MALRD1: variants seen among roughly 807,000 people sequenced by gnomAD.
The protein encoded by MALRD1 is MAM and LDL receptor class A domain containing 1, also known as MAM and LDL-receptor class A domain-containing protein 1.
MALRD1 carries 247 observed loss-of-function variants against 242.1 expected under a neutral mutation model. The ratio of observed to expected loss-of-function variants is 1.02; its 90% CI spans 0.92 to 1.13. The LOEUF (loss-of-function observed/expected upper bound fraction) is 1.13, where lower values mean the gene tolerates loss of function less well. MALRD1 is among the 50% of genes most tolerant of loss of function. The pLI is 0.00. For missense variants in MALRD1, 2,989 were observed against 2,533.1 expected (o/e 1.18, Z -3.86); for synonymous variants, 995 against 866.6 (o/e 1.15, Z -2.60).
At chr10:19,719,084 G>A (rs983977304) in intron 38 of MALRD1, among the ~76,000 whole-genome samples, 11 of 149,656 alleles carry the variant, frequency 7.4e-5, no homozygotes, top group African/African-American at 2.7e-4. Context: ...GATTGCGTGA[G>A]TCCAGGAGGT....
intron 26 of MALRD1, among the ~76,000 whole-genome samples, chr10:19,385,910 G>T (rs528160471): frequency 8.4e-4 from 128 of 152,016 alleles, no homozygotes; most frequent in African/African-American, 2.9e-3. Context: ...CACAAGTTTT[G>T]CTCTGTTGTG....
At chr10:19,363,336 A>G (rs181281014) in intron 26 of MALRD1, among the ~76,000 whole-genome samples, 23 of 152,156 alleles carry the variant, frequency 1.5e-4, no homozygotes, top group Non-Finnish European at 2.5e-4. Context: ...GGTAACAAAG[A>G]AAACAGACAT....
intron 36 of MALRD1, among the ~76,000 whole-genome samples, chr10:19,670,781 A>T (rs573572599): frequency 4.6e-5 from 7 of 152,294 alleles, no homozygotes; most frequent in African/African-American, 1.7e-4. Context: ...CAGGGAGTTT[A>T]TCTTTTGTGC....
chr10:19,283,080 A>G lies in MALRD1; in HGVS notation c.3318A>G (p.Val1106=), dbSNP rs2131887895. The G allele has an allele frequency of 1.9e-6, 3 of 1,550,200 alleles. No homozygotes were observed. Among genetic ancestry groups the G allele is most frequent in the South Asian group, 1.2e-5 (1 of 84,024 alleles). ...SLCKWYQPIP[V]HLLQDSNTFR... ...GTAAATGGTATCAACCAATCCCAGT[A>G]CATTTGCTTCAAGATTCAAACACAT... Residue 1106 remains valine, a synonymous_variant, in exon 21 of 40, where the codon GTA becomes GTG. Coordinates refer to ENST00000454679, the MANE Select transcript of MALRD1 (RefSeq NM_001142308.3).
chr10:19,283,063 T>C lies in MALRD1; in HGVS notation c.3301T>C (p.Tyr1101His). ...TGAGAAAAGAAGCCTGTGTAAATGG[T>C]ATCAACCAATCCCAGTACATTTGCT... ...SFEKRSLCKW[Y>H]QPIPVHLLQD... Residue 1101 changes from tyrosine (Y) to histidine (H), a missense_variant, in exon 21 of 40, where the codon TAT becomes CAT. By Grantham distance (83) the Tyr-to-His change is moderately conservative. Coordinates refer to ENST00000454679, the MANE Select transcript of MALRD1 (RefSeq NM_001142308.3). The C allele has an allele frequency of 1.3e-6, 2 of 1,549,778 alleles. No homozygotes were observed. Among genetic ancestry groups the C allele is most frequent in the Non-Finnish European group, 1.7e-6 (2 of 1,146,482 alleles).
At chr10:19,613,568 C>T (rs1838998282) in intron 35 of MALRD1, among the ~76,000 whole-genome samples, 1 of 151,966 alleles carries the variant, frequency 6.6e-6, no homozygotes, top group South Asian at 2.1e-4. Flanking sequence ...GTTCAGGCAA[C>T]CATTATATTT....
At chr10:19,182,226 TAA>T (rs1462365232) in intron 14 of MALRD1, among the ~76,000 whole-genome samples, 2 of 151,906 alleles carry the variant, frequency 1.3e-5, no homozygotes, top group East Asian at 1.9e-4. Flanking sequence ...AAAACAAATA[TAA>T]GAGGTACTAT....
At chr10:19,303,406 G>T (rs1177409472) in intron 21 of MALRD1, among the ~76,000 whole-genome samples, 1 of 151,614 alleles carries the variant, frequency 6.6e-6, no homozygotes, top group Non-Finnish European at 1.5e-5. Context: ...GCAGTGATCA[G>T]AAATCACAGA....
chr10:19,387,132 C>A (rs1272029067), intron 26 of MALRD1, among the ~76,000 whole-genome samples: 2 of 151,956 alleles, frequency 1.3e-5, no homozygotes, highest in African/African-American at 4.8e-5. Flanking sequence ...TTCCAAATGC[C>A]ACATAATACA....
chr10:19,618,363 T>C (rs1589314700), intron 36 of MALRD1, among the ~76,000 whole-genome samples: 1 of 152,238 alleles, frequency 6.6e-6, no homozygotes, highest in East Asian at 1.9e-4. Context: ...ATGGGATTGC[T>C]GGGTCCAATG....
chr10:19,088,398 G>A (rs1362426074), intron 4 of MALRD1, among the ~76,000 whole-genome samples: 2 of 151,888 alleles, frequency 1.3e-5, no homozygotes, highest in Admixed American at 6.6e-5. Context: ...TGAATTTTAT[G>A]TATTAAAACT....
At chr10:19,350,210 A>G (rs1395126516) in intron 25 of MALRD1, among the ~76,000 whole-genome samples, 1 of 151,668 alleles carries the variant, frequency 6.6e-6, no homozygotes, top group Non-Finnish European at 1.5e-5. Context: ...GGTATATAGG[A>G]AGGATCCATG....
Position 19,113,208 on chromosome 10 carries a change from A to G in MALRD1, c.694+9133A>G, listed in dbSNP as rs540154864. 7.9e-5 allele frequency among the ~76,000 whole-genome samples: 12 copies of G among 152,208 alleles called. No homozygotes were observed. In the East Asian group the frequency reaches 2.1e-3, roughly 27 times the overall value. ...GTCTCCACTTCTCATAAATCCATCA[A>G]TAAGTCTTACTGCCTCCAGGACAGA... is the stretch of plus-strand genomic sequence containing the variant. On this transcript the variant is annotated intron_variant, in intron 5 of 39. Transcript: ENST00000454679.
chr10:19,529,510 T>A (rs1834244654), intron 31 of MALRD1, among the ~76,000 whole-genome samples: 1 of 114,940 alleles, frequency 8.7e-6, no homozygotes, highest in Non-Finnish European at 1.7e-5. Context: ...CGTGAAAAGT[T>A]CAATTAAAAA....
chr10:19,431,822 G>A (rs1834141484), intron 28 of MALRD1, among the ~76,000 whole-genome samples: 1 of 152,086 alleles, frequency 6.6e-6, no homozygotes, highest in Non-Finnish European at 1.5e-5. Flanking sequence ...GCATTGAATG[G>A]TTATCAACCT....
At chr10:19,541,749 A>G (rs1834983044) in intron 32 of MALRD1, among the ~76,000 whole-genome samples, 1 of 152,216 alleles carries the variant, frequency 6.6e-6, no homozygotes, top group Non-Finnish European at 1.5e-5. Flanking sequence ...AATAAGAATC[A>G]CTGGCTCATA....
chr10:19,530,365 A>AAATATTATATAATTATAT (rs1564417011), intron 31 of MALRD1, among the ~76,000 whole-genome samples: 8 of 105,090 alleles, frequency 7.6e-5, no homozygotes, highest in African/African-American at 4.4e-4. Context: ...ATATTTATAT[A>AAATATTATATAATTATAT]AATATTTATA....
At chr10:19,202,846 A>C (rs939246385) in intron 14 of MALRD1, among the ~76,000 whole-genome samples, 5 of 152,198 alleles carry the variant, frequency 3.3e-5, no homozygotes, top group African/African-American at 1.2e-4. Context: ...TTGCGGAAAG[A>C]ATCTTAGCCT....
At position 19,660,995 on chromosome 10, in the gene MALRD1, G is replaced by A. The variant is rs148914656; in HGVS notation, c.6138-31287G>A. Among the ~76,000 whole-genome samples, 484 of 152,194 alleles carry A rather than the reference G, an allele frequency of 3.2e-3. 2 individuals carry two copies. The highest frequency in any genetic ancestry group is 0.015 in the South Asian group (71 of 4,822). On this transcript the variant is annotated intron_variant, in intron 36 of 39. Transcript: ENST00000454679. Reference sequence around the variant, plus strand: ...CGAAGGATATGAACAGACACTTCTTGAAAGAAGACATTTATGCAGCCAACA... The same window carrying A: ...CGAAGGATATGAACAGACACTTCTTAAAAGAAGACATTTATGCAGCCAACA...
Sources: gnomAD v4.1 joint callset for allele counts (sites outside exome capture counted in the v4.1 genomes callset) on GRCh38, gnomAD v4.1.1 for gene constraint, MANE v1.5 for transcripts, NCBI Gene and HGNC (gene_info 2026-07-23, HGNC 2026-07-21) for gene names.